The following ZC4H2 variants were observed in gnomAD, a reference collection of about 807,000 sequenced individuals.
The protein encoded by ZC4H2 is zinc finger C4H2-type containing.
For missense variants in ZC4H2, 137 were observed against 173.9 expected (o/e 0.79, Z 1.19); for synonymous variants, 84 against 66.3 (o/e 1.27, Z -1.30).
intron 1 of ZC4H2, among the ~76,000 whole-genome samples, chrX:64,983,398 C>A (rs1392555984): frequency 9.0e-6 from 1 of 111,550 alleles, no homozygotes; most frequent in African/African-American, 3.3e-5. Context: ...CCATCATTGG[C>A]AGCCTAGCTC....
intron 1 of ZC4H2, among the ~76,000 whole-genome samples, chrX:64,960,125 T>A (rs1323732343): frequency 2.7e-5 from 3 of 110,958 alleles, no homozygotes; most frequent in Non-Finnish European, 5.7e-5. Flanking sequence ...GGCTATATCT[T>A]CATGCCTAGA....
chrX:64,994,845 G>T (rs1932379901), intron 1 of ZC4H2, among the ~76,000 whole-genome samples: 1 of 111,169 alleles, frequency 9.0e-6, no homozygotes, highest in African/African-American at 3.3e-5. Context: ...GCAGTTTACA[G>T]AGATACACAC....
At chrX:64,986,325 G>C (rs1278273783) in intron 1 of ZC4H2, among the ~76,000 whole-genome samples, 5 of 112,058 alleles carry the variant, frequency 4.5e-5, no homozygotes, top group African/African-American at 1.6e-4. Context: ...CATGTTTCAA[G>C]ATGTGGCCTG....
At chrX:64,944,837 T>A (rs1449593302) in intron 1 of ZC4H2, among the ~76,000 whole-genome samples, 1 of 112,257 alleles carries the variant, frequency 8.9e-6, no homozygotes, top group Non-Finnish European at 1.9e-5. Flanking sequence ...TGGTCTTCAA[T>A]CTCTAATATC....
At chrX:65,013,643 C>T (rs1309361079) in intron 1 of ZC4H2, among the ~76,000 whole-genome samples, 4 of 111,125 alleles carry the variant, frequency 3.6e-5, no homozygotes, top group Non-Finnish European at 7.5e-5. Context: ...ATAACTGAAT[C>T]CTGCCAACGA....
intron 1 of ZC4H2, among the ~76,000 whole-genome samples, chrX:64,964,243 G>A (rs770000100): frequency 7.2e-5 from 8 of 110,708 alleles, no homozygotes; most frequent in African/African-American, 2.6e-4. Flanking sequence ...AAATTAAATT[G>A]AATTAAAAAT....
At chrX:64,964,216 T>C (rs1931506459) in intron 1 of ZC4H2, among the ~76,000 whole-genome samples, 1 of 110,618 alleles carries the variant, frequency 9.0e-6, no homozygotes, top group African/African-American at 3.3e-5. Flanking sequence ...TTAAATTAAA[T>C]TAAATTAAAT....
At chrX:64,970,849 G>A (rs935222125) in intron 1 of ZC4H2, among the ~76,000 whole-genome samples, 5 of 111,878 alleles carry the variant, frequency 4.5e-5, no homozygotes, top group African/African-American at 1.6e-4. Context: ...TTAATAAAAA[G>A]CAGTAGCAGA....
chrX:65,020,939 A>C (rs1208166593), intron 1 of ZC4H2, among the ~76,000 whole-genome samples: 1 of 109,148 alleles, frequency 9.2e-6, no homozygotes, highest in East Asian at 2.8e-4. Flanking sequence ...GAAAGGCATT[A>C]CATAATGGTA....
chrX:64,922,936 G>A (rs1382554867), intron 1 of ZC4H2, among the ~76,000 whole-genome samples: 2 of 111,969 alleles, frequency 1.8e-5, no homozygotes, highest in African/African-American at 6.5e-5. Context: ...AAAAGGAAGG[G>A]GAAAGGATAT....
In ZC4H2 at chrX:64,999,039, G is replaced by GTTTTTTTTTTTTT. The variant is rs58094683; in HGVS notation, c.-272+35577_-272+35589dup. 1.9e-3 allele frequency among the ~76,000 whole-genome samples: 23 copies of GTTTTTTTTTTTTT among 11,857 alleles called. 2 individuals carry two copies. The highest frequency in any genetic ancestry group is 4.6e-3 in the Admixed American group (3 of 659). The allele number at this position is 11,857 out of a possible 115,157, so 10.3% of individuals were successfully genotyped here. A position where few individuals can be genotyped will look rare whatever the true frequency, so the allele number is the denominator to read the frequency against. On this transcript the variant is annotated intron_variant, in intron 1 of 4. Transcript: ENST00000337990. ...TAGACAGCATACAGTTGGATTATGT[G>GTTTTTTTTTTTTT]TTTTTTTTTTTTTTTTTTTTTTTTT...
At chrX:64,948,088 A>G (rs1370415301) in intron 1 of ZC4H2, among the ~76,000 whole-genome samples, 1 of 111,357 alleles carries the variant, frequency 9.0e-6, no homozygotes, top group Non-Finnish European at 1.9e-5. Context: ...CAAGGACCCA[A>G]TTGTGTCGTT....
chrX:65,006,706 A>G (rs1932667842), intron 1 of ZC4H2, among the ~76,000 whole-genome samples: 1 of 112,279 alleles, frequency 8.9e-6, no homozygotes, highest in Admixed American at 9.4e-5. Context: ...CTTAAAGTAT[A>G]ATAACAATAA....
chrX:64,920,385 C>T (rs1929144288), intron 2 of ZC4H2, 132 bp from the exon 3 acceptor site: 1 of 631,277 alleles, frequency 1.6e-6, no homozygotes, highest in Non-Finnish European at 2.3e-6. Context: ...CTCCCATGCC[C>T]TCTCCATGTA....
chrX:65,019,780 GA>G (rs1932823059), intron 1 of ZC4H2, among the ~76,000 whole-genome samples: 1 of 111,842 alleles, frequency 8.9e-6, no homozygotes, highest in African/African-American at 3.3e-5. Context: ...AGGAAGCTAA[GA>G]TCCTTGAAAA....
At chrX:65,005,102 A>T (rs371929010) in intron 1 of ZC4H2, among the ~76,000 whole-genome samples, 67 of 112,014 alleles carry the variant, frequency 6.0e-4, no homozygotes, top group African/African-American at 2.1e-3. Context: ...AAATGGAAAA[A>T]CATTCTATGC....
chrX:64,965,529 G>C, intron 1 of ZC4H2: 1 of 301,702 alleles, frequency 3.3e-6, no homozygotes, highest in South Asian at 3.1e-5. Flanking sequence ...ATTTCTGGAA[G>C]AAAATATAGG....
At chrX:64,918,633 T>C in intron 4 of ZC4H2, 1 of 123,867 alleles carries the variant, frequency 8.1e-6, no homozygotes, top group Non-Finnish European at 1.7e-5. Context: ...AAACCAGTTT[T>C]GCATCTAACT....
upstream of ZC4H2, among the ~76,000 whole-genome samples, chrX:64,981,255 T>C (rs1932076358): frequency 9.0e-6 from 1 of 111,384 alleles, no homozygotes; most frequent in African/African-American, 3.3e-5. Context: ...CTAATTACAA[T>C]AGGCAAACAT....
Sources: allele counts gnomAD v4.1 joint callset (sites outside exome capture counted in the v4.1 genomes callset), GRCh38; gene constraint gnomAD v4.1.1; transcripts MANE v1.5; gene names NCBI Gene and HGNC (gene_info 2026-07-23, HGNC 2026-07-21).